Variants in RHBDL3 observed in about 807,000 individuals in gnomAD.
RHBDL3 encodes the protein rhomboid like 3, also known as rhomboid-related protein 3.
Under a neutral mutation model 48.2 loss-of-function variants are expected in RHBDL3, and 28 were observed. The observed-to-expected ratio is 0.58, with a 90% confidence interval of 0.43 to 0.80. The LOEUF (loss-of-function observed/expected upper bound fraction) is 0.80. RHBDL3 is among the 30% of genes least tolerant of loss of function. The pLI is 0.00. For synonymous variants in RHBDL3, 208 were observed against 232.3 expected, an observed-to-expected ratio of 0.90 and a Z score of 0.95; for missense variants, 464 against 542.7, an observed-to-expected ratio of 0.85 and a Z score of 1.44.
chr17:32,284,722 A>G lies in RHBDL3; in HGVS notation c.199A>G (p.Ser67Gly). The G allele has an allele frequency of 6.2e-7, 1 of 1,614,136 alleles. No individual in the cohort carries two copies. Among genetic ancestry groups the G allele is most frequent in the Non-Finnish European group, 8.5e-7 (1 of 1,179,980 alleles). Reference sequence around the variant, plus strand: ...GTTCCGGAGTCTTCTGGAGAGCCACAGCTCCAAGCTGGACCCGCACAAAAG... The same window carrying G: ...GTTCCGGAGTCTTCTGGAGAGCCACGGCTCCAAGCTGGACCCGCACAAAAG... ...GKFRSLLESHSSKLDPHKREV... is the reference protein window; with the variant it reads ...GKFRSLLESHGSKLDPHKREV... Residue 67 changes from serine (S) to glycine (G), a missense_variant, in exon 3 of 9, where the codon AGC becomes GGC. Ser to Gly is a moderately conservative substitution (Grantham distance 56, BLOSUM62 0). Coordinates refer to ENST00000269051, the MANE Select transcript of RHBDL3 (RefSeq NM_138328.3).
intron 2 of RHBDL3, among the ~76,000 whole-genome samples, chr17:32,283,690 G>C (rs1169856253): frequency 9.9e-5 from 15 of 152,180 alleles, no homozygotes; most frequent in Admixed American, 9.8e-4. Flanking sequence ...CTGTTCATCT[G>C]AACACCCACT....
At chr17:32,303,396 C>G (rs978343412) in intron 6 of RHBDL3, among the ~76,000 whole-genome samples, 7 of 152,214 alleles carry the variant, frequency 4.6e-5, no homozygotes, top group African/African-American at 1.2e-4. Context: ...CGAAGACAGC[C>G]CCACCAGGAG....
chr17:32,283,987 G>A (rs11870358), intron 2 of RHBDL3, among the ~76,000 whole-genome samples: 1 of 152,202 alleles, frequency 6.6e-6, no homozygotes, highest in African/African-American at 2.4e-5. Context: ...GGGAATCCCA[G>A]GCAGAGGGAC....
intron 3 of RHBDL3, among the ~76,000 whole-genome samples, chr17:32,285,454 C>G (rs2040175737): frequency 6.6e-6 from 1 of 152,064 alleles, no homozygotes; most frequent in South Asian, 2.1e-4. Context: ...AGCATATCTG[C>G]TCAGCCGATG....
intron 3 of RHBDL3, 137 bp downstream of exon 3, chr17:32,284,954 G>A: frequency 1.3e-6 from 1 of 758,936 alleles, no homozygotes; most frequent in East Asian, 2.6e-5. Context: ...GAGGTGAAAG[G>A]GTGCCACCAA....
intron 7 of RHBDL3, among the ~76,000 whole-genome samples, chr17:32,313,700 G>C (rs11655717): frequency 6.7e-6 from 1 of 149,418 alleles, no homozygotes; most frequent in Non-Finnish European, 1.5e-5. Context: ...TTCACTTAGC[G>C]TAAGGTCCTC....
intron 8 of RHBDL3, among the ~76,000 whole-genome samples, chr17:32,319,478 G>A (rs1238427250): frequency 6.6e-6 from 1 of 150,440 alleles, no homozygotes. Context: ...CTAAAATGCT[G>A]TATCGGAGTT....
intron 7 of RHBDL3, among the ~76,000 whole-genome samples, chr17:32,313,249 G>C (rs1028065299): frequency 6.6e-6 from 1 of 152,108 alleles, no homozygotes; most frequent in Admixed American, 6.5e-5. Context: ...CTAGCTACCT[G>C]GGAAGCTGGG....
chr17:32,311,507 A>G (rs2040847942), intron 7 of RHBDL3, among the ~76,000 whole-genome samples: 2 of 152,200 alleles, frequency 1.3e-5, no homozygotes, highest in Non-Finnish European at 2.9e-5. Context: ...GGGTGGACAG[A>G]GCCCTGGACC....
chr17:32,299,813 G>T (rs1022231909), intron 6 of RHBDL3, among the ~76,000 whole-genome samples: 1 of 152,118 alleles, frequency 6.6e-6, no homozygotes, highest in Non-Finnish European at 1.5e-5. Flanking sequence ...TGAGCACATG[G>T]CGTGCACTGT....
At chr17:32,317,845 G>A (rs560401559) in intron 8 of RHBDL3, among the ~76,000 whole-genome samples, 1 of 152,214 alleles carries the variant, frequency 6.6e-6, no homozygotes, top group South Asian at 2.1e-4. Flanking sequence ...GGGGACAAGG[G>A]GGATAAGACC....
chr17:32,283,395 C>T (rs1406113336), intron 2 of RHBDL3, among the ~76,000 whole-genome samples: 1 of 143,310 alleles, frequency 7.0e-6, no homozygotes, highest in East Asian at 2.0e-4. Context: ...GATCTCAGCT[C>T]ACTGCAAGCT....
At chr17:32,320,854 C>G in intron 8 of RHBDL3, 104 bp from the exon 9 acceptor site, 2 of 788,898 alleles carry the variant, frequency 2.5e-6, no homozygotes, top group Middle Eastern at 3.8e-4. Context: ...GAGAATGGTG[C>G]TTGGCCTAAT....
intron 2 of RHBDL3, among the ~76,000 whole-genome samples, chr17:32,274,806 G>T (rs1029506416): frequency 8.5e-6 from 1 of 117,224 alleles, no homozygotes; most frequent in Non-Finnish European, 1.8e-5. Context: ...ATGTGTGCAC[G>T]TGTGTTTGTG....
intron 2 of RHBDL3, among the ~76,000 whole-genome samples, chr17:32,281,933 T>C (rs1270001861): frequency 6.6e-6 from 1 of 152,220 alleles, no homozygotes; most frequent in East Asian, 1.9e-4. Context: ...CTCAGCTGTC[T>C]GGAGGTGGAA....
Position 32,321,696 on chromosome 17 carries a change from C to T in RHBDL3, c.*467C>T. On this transcript the variant is annotated 3_prime_UTR_variant, in exon 9 of 9. Transcript: ENST00000269051. ...ATAATTGCAGGCCATGTGGTGTCTCCTTGACACCTGCTGTGTCTGGGGCTC... is the reference window on the plus strand; with the variant it reads ...ATAATTGCAGGCCATGTGGTGTCTCTTTGACACCTGCTGTGTCTGGGGCTC... The T allele has an allele frequency of 3.6e-6, 1 of 274,560 alleles. No homozygotes were observed. The highest frequency in any genetic ancestry group is 4.1e-5 in the South Asian group (1 of 24,344). 17.0% of individuals were successfully genotyped at this position (274,560 alleles called of 1,614,324 possible).
At chr17:32,302,729 G>A (rs113530547) in intron 6 of RHBDL3, among the ~76,000 whole-genome samples, 4,345 of 152,134 alleles carry the variant, frequency 0.029, 81 homozygotes, top group Non-Finnish European at 0.038. Context: ...GATTCAGGCC[G>A]TTACCTTTGA....
At chr17:32,287,119 T>G (rs145578979) in intron 3 of RHBDL3, among the ~76,000 whole-genome samples, 3 of 152,330 alleles carry the variant, frequency 2.0e-5, no homozygotes, top group Non-Finnish European at 2.9e-5. Context: ...TTTACACTTC[T>G]GTCTCCACTT....
intron 4 of RHBDL3, among the ~76,000 whole-genome samples, chr17:32,289,231 C>A (rs1404835050): frequency 6.6e-6 from 1 of 152,152 alleles, no homozygotes; most frequent in Non-Finnish European, 1.5e-5. Context: ...AGAGATATTC[C>A]AAAGATTATT....
Sources: allele counts gnomAD v4.1 joint callset (sites outside exome capture counted in the v4.1 genomes callset), GRCh38; gene constraint gnomAD v4.1.1; transcripts MANE v1.5; gene names NCBI Gene and HGNC (gene_info 2026-07-23, HGNC 2026-07-21).